The following SKIC3 variants were observed in gnomAD, a reference collection of about 807,000 sequenced individuals.
SKIC3 encodes SKI3 subunit of superkiller complex.
the SKIC3 span, chr5:95,527,973 A>G: frequency 6.2e-7 from 1 of 1,611,992 alleles, no homozygotes; most frequent in Non-Finnish European, 8.5e-7. Flanking sequence ...GGTTGATTGG[A>G]AACTAACTAG....
the SKIC3 span, among the ~76,000 whole-genome samples, chr5:95,527,638 A>G: frequency 6.6e-6 from 1 of 152,204 alleles, no homozygotes; most frequent in Admixed American, 6.5e-5. Flanking sequence ...AACATTCTCT[A>G]CCATGAAGCT....
At chr5:95,527,495 G>A in the SKIC3 span, among the ~76,000 whole-genome samples, 1 of 152,178 alleles carries the variant, frequency 6.6e-6, no homozygotes, top group South Asian at 2.1e-4. Flanking sequence ...AAAATCTTTA[G>A]GGCATAATGC....
the SKIC3 span, among the ~76,000 whole-genome samples, chr5:95,548,255 A>T: frequency 6.6e-6 from 1 of 152,034 alleles, no homozygotes; most frequent in African/African-American, 2.4e-5. Context: ...AAGGGAGTAA[A>T]ATGTACCAAA....
At chr5:95,529,038 C>T in the SKIC3 span, 2 of 1,613,784 alleles carry the variant, frequency 1.2e-6, no homozygotes, top group Non-Finnish European at 1.7e-6. Flanking sequence ...TAGGTCTATG[C>T]ATTTTGACTT....
At chr5:95,525,590 T>C in the SKIC3 span, 1 of 1,614,060 alleles carries the variant, frequency 6.2e-7, no homozygotes, top group East Asian at 2.2e-5. Context: ...AGCCAACCTT[T>C]GCAGCTTCAT....
chr5:95,531,791 ATTAGTCTTAT>A, the SKIC3 span, among the ~76,000 whole-genome samples: 1 of 152,150 alleles, frequency 6.6e-6, no homozygotes, highest in East Asian at 1.9e-4. Flanking sequence ...GACCTTTACT[ATTAGTCTTAT>A]AACATGTATA....
At chr5:95,541,558 AAAAAG>A in the SKIC3 span, among the ~76,000 whole-genome samples, 1 of 152,110 alleles carries the variant, frequency 6.6e-6, no homozygotes, top group African/African-American at 2.4e-5. Context: ...GCTCCTCATA[AAAAAG>A]AAAAGGTTTA....
At chr5:95,484,940 T>C in the SKIC3 span, 1 of 1,317,688 alleles carries the variant, frequency 7.6e-7, no homozygotes, top group South Asian at 1.2e-5. Context: ...GTTGGGCTTA[T>C]CATCCATACA....
the SKIC3 span, among the ~76,000 whole-genome samples, chr5:95,538,356 T>C: frequency 6.6e-6 from 1 of 152,160 alleles, no homozygotes. Flanking sequence ...AATCATGTTA[T>C]CACACACAAA....
At chr5:95,479,084 C>T in the SKIC3 span, among the ~76,000 whole-genome samples, 1 of 151,988 alleles carries the variant, frequency 6.6e-6, no homozygotes, top group Non-Finnish European at 1.5e-5. Context: ...GTAAAAGGGG[C>T]ATAACTATAT....
the SKIC3 span, chr5:95,525,600 T>A: frequency 6.2e-7 from 1 of 1,614,038 alleles, no homozygotes; most frequent in Non-Finnish European, 8.5e-7. Context: ...TGCAGCTTCA[T>A]CAAATGAACC....
the SKIC3 span, among the ~76,000 whole-genome samples, chr5:95,526,636 A>G: frequency 1.3e-5 from 2 of 151,818 alleles, no homozygotes; most frequent in Admixed American, 6.6e-5. Flanking sequence ...ACCAAGCCAG[A>G]CTAATTTTTC....
chr5:95,507,345 T>G, the SKIC3 span, among the ~76,000 whole-genome samples: 1 of 152,206 alleles, frequency 6.6e-6, no homozygotes, highest in African/African-American at 2.4e-5. Flanking sequence ...GAAAACACCC[T>G]TGAAACTATT....
chr5:95,516,726 C>G, the SKIC3 span: 1 of 1,613,088 alleles, frequency 6.2e-7, no homozygotes, highest in Non-Finnish European at 8.5e-7. Flanking sequence ...TTATTACTGT[C>G]GAGTCTCACT....
At chr5:95,515,125 T>G in the SKIC3 span, 2 of 519,914 alleles carry the variant, frequency 3.8e-6, no homozygotes, top group East Asian at 7.4e-5. Context: ...TGCAACAGAT[T>G]TCTCCCCAGG....
chr5:95,509,466 C>T, the SKIC3 span: 10 of 736,608 alleles, frequency 1.4e-5, 1 homozygote, highest in Middle Eastern at 2.3e-4. Context: ...GGCTCCTCCC[C>T]ACCTGCAAAT....
the SKIC3 span, among the ~76,000 whole-genome samples, chr5:95,471,059 C>T: frequency 1.3e-5 from 2 of 151,974 alleles, no homozygotes; most frequent in Non-Finnish European, 2.9e-5. Flanking sequence ...TCTCTGAGTG[C>T]AGTATAGGCA....
the SKIC3 span, chr5:95,503,969 ATCAAAAGTAAT>A: frequency 4.3e-6 from 7 of 1,611,618 alleles, no homozygotes; most frequent in Admixed American, 1.2e-4. Flanking sequence ...TACTTTTAAT[ATCAAAAGTAAT>A]TCTGGTGTGT....
the SKIC3 span, among the ~76,000 whole-genome samples, chr5:95,483,922 T>A: frequency 6.6e-6 from 1 of 152,204 alleles, no homozygotes; most frequent in Admixed American, 6.5e-5. Flanking sequence ...TTCTATGTGA[T>A]CCAGAACTTT....
Sources: gnomAD v4.1 joint callset for allele counts (sites outside exome capture counted in the v4.1 genomes callset) on GRCh38, gnomAD v4.1.1 for gene constraint, MANE v1.5 for transcripts, NCBI Gene and HGNC (gene_info 2026-07-23, HGNC 2026-07-21) for gene names.